Variants in MAGED1 observed in about 807,000 individuals in gnomAD.
MAGED1 encodes melanoma-associated antigen D1.
In MAGED1, 3 loss-of-function variants were observed where a neutral mutation model predicts 54.1. The ratio of observed to expected loss-of-function variants is 0.06; its 90% confidence interval spans 0.03 to 0.14. MAGED1 has a LOEUF of 0.14. Among genes scored for constraint, MAGED1 ranks in the 10% least tolerant of loss-of-function variants. The pLI is 1.00. For synonymous variants in MAGED1, 217 were observed against 227.3 expected (o/e 0.95, Z 0.41); for missense variants, 485 against 623.4 (o/e 0.78, Z 2.36).
rs1237307950 is a variant in MAGED1 at position 51,826,256 on chromosome X, A to G, written c.-37+23139A>G. ...GGAGATTTCACTGAGCTCCTCACAT[A>G]GCCATTCCAGAATTCCCATAAGTTT... On this transcript the variant is annotated intron_variant, in intron 1 of 12. Transcript: ENST00000375772. 2.7e-5 allele frequency among the ~76,000 whole-genome samples: 3 copies of G among 112,375 alleles called. No individual in the cohort carries two copies. In the East Asian group the frequency reaches 8.4e-4, roughly 31 times the overall value.
At chrX:51,820,797 A>G (rs1206266647) in intron 1 of MAGED1, among the ~76,000 whole-genome samples, 1 of 111,704 alleles carries the variant, frequency 9.0e-6, no homozygotes, top group African/African-American at 3.3e-5. Flanking sequence ...TTTGAAATGT[A>G]TAACGCAATA....
rs1188389838 is a variant in MAGED1, at chrX:51,895,300, A to G, written c.293A>G (p.His98Arg). 8.3e-7 allele frequency: 1 copy of G among 1,209,712 alleles called. No homozygotes were observed. The highest frequency in any genetic ancestry group is 1.1e-6 in the Non-Finnish European group (1 of 894,987). Residue 98 changes from histidine (H) to arginine (R), a missense_variant, in exon 3 of 13, where the codon CAT becomes CGT. His to Arg is a conservative substitution (Grantham distance 29). Transcript: ENST00000326587. Reference protein sequence around the residue: ...PNGVYDFSQAHNAKDVPNTQP... With the variant: ...PNGVYDFSQARNAKDVPNTQP... ...GGTGTCTATGATTTCTCTCAGGCTCATAATGCCAAGGATGTGCCCAACACG... is the reference window on the plus strand; with the variant it reads ...GGTGTCTATGATTTCTCTCAGGCTCGTAATGCCAAGGATGTGCCCAACACG...
At chrX:51,868,945 A>G (rs782119068) in intron 1 of MAGED1, among the ~76,000 whole-genome samples, 1 of 111,871 alleles carries the variant, frequency 8.9e-6, no homozygotes, top group Non-Finnish European at 1.9e-5. Flanking sequence ...TGGGAAAATC[A>G]TGAGTGTCTG....
At chrX:51,813,601 A>G (rs1925304611) in intron 1 of MAGED1, among the ~76,000 whole-genome samples, 1 of 112,005 alleles carries the variant, frequency 8.9e-6, no homozygotes, top group South Asian at 3.7e-4. Context: ...AGTAGTAAAC[A>G]TTTTCATACC....
chrX:51,819,022 A>G (rs782751286), intron 1 of MAGED1, among the ~76,000 whole-genome samples: 1 of 112,110 alleles, frequency 8.9e-6, no homozygotes, highest in Non-Finnish European at 1.9e-5. Flanking sequence ...TTCATTCTGA[A>G]GGACTTACAG....
At chrX:51,898,927 G>A (rs1557364626) in intron 10 of MAGED1, 1 of 239,737 alleles carries the variant, frequency 4.2e-6, no homozygotes, top group African/African-American at 2.9e-5. Flanking sequence ...AATCATCTGA[G>A]CCCAGGAAGT....
intron 1 of MAGED1, among the ~76,000 whole-genome samples, chrX:51,860,264 CAAAAAG>C (rs1199807386): frequency 9.1e-6 from 1 of 109,524 alleles, no homozygotes; most frequent in Non-Finnish European, 1.9e-5. Flanking sequence ...GACTCCGTCT[CAAAAAG>C]AAAAGAAAAA....
chrX:51,877,336 G>T (rs1927907963), intron 1 of MAGED1, among the ~76,000 whole-genome samples: 1 of 111,327 alleles, frequency 9.0e-6, no homozygotes, highest in Non-Finnish European at 1.9e-5. Flanking sequence ...TCAATTAAAT[G>T]TCATTTTGTC....
chrX:51,820,646 A>G (rs1925591242), intron 1 of MAGED1, among the ~76,000 whole-genome samples: 1 of 111,284 alleles, frequency 9.0e-6, no homozygotes, highest in Middle Eastern at 4.2e-3. Flanking sequence ...CAATAATTCT[A>G]TTTATTTATG....
chrX:51,808,655 G>A (rs1925112424), intron 1 of MAGED1, among the ~76,000 whole-genome samples: 1 of 111,962 alleles, frequency 8.9e-6, no homozygotes, highest in African/African-American at 3.2e-5. Flanking sequence ...GCTGAAGACA[G>A]CTGTGATTGC....
At chrX:51,898,917 A>G in intron 10 of MAGED1, 1 of 256,647 alleles carries the variant, frequency 3.9e-6, no homozygotes. Context: ...GGTAGGGGAG[A>G]ATCATCTGAG....
At chrX:51,836,957 A>G (rs1196812021) in intron 1 of MAGED1, among the ~76,000 whole-genome samples, 11 of 111,350 alleles carry the variant, frequency 9.9e-5, no homozygotes, top group Non-Finnish European at 1.9e-4. Context: ...TCTGCTAACT[A>G]TTACCTGCAG....
intron 11 of MAGED1, among the ~76,000 whole-genome samples, chrX:51,901,253 A>T (rs1929010323): frequency 8.9e-6 from 1 of 112,084 alleles, no homozygotes; most frequent in Non-Finnish European, 1.9e-5. Context: ...GGCCCTGGAA[A>T]CTACCATTCT....
chrX:51,858,078 T>A, intron 1 of MAGED1: 1 of 112,598 alleles, frequency 8.9e-6, no homozygotes, highest in Non-Finnish European at 1.9e-5. Context: ...TTAAAATAGT[T>A]ACCACATAAT....
intron 1 of MAGED1, among the ~76,000 whole-genome samples, chrX:51,856,695 T>G (rs1557360231): frequency 8.9e-6 from 1 of 111,939 alleles, no homozygotes; most frequent in African/African-American, 3.2e-5. Context: ...ACTATTGGTC[T>G]GAGTCTCTTC....
intron 1 of MAGED1, among the ~76,000 whole-genome samples, chrX:51,875,349 T>A (rs1451693883): frequency 1.8e-5 from 2 of 111,451 alleles, no homozygotes; most frequent in East Asian, 2.8e-4. Flanking sequence ...CTTTCTGGTC[T>A]CTCATCTCTG....
At chrX:51,814,907 G>A (rs1306695044) in intron 1 of MAGED1, among the ~76,000 whole-genome samples, 1 of 102,288 alleles carries the variant, frequency 9.8e-6, no homozygotes, top group Admixed American at 1.1e-4. Flanking sequence ...GAGGCAGGCA[G>A]ATCACTTGAA....
intron 1 of MAGED1, among the ~76,000 whole-genome samples, chrX:51,832,662 C>T (rs1471345433): frequency 1.8e-5 from 2 of 111,407 alleles, no homozygotes; most frequent in African/African-American, 6.5e-5. Context: ...TGGTCTTGAC[C>T]CTGCTACTCA....
intron 1 of MAGED1, among the ~76,000 whole-genome samples, chrX:51,803,724 CTTTTT>C (rs10576124): frequency 1.2e-5 from 1 of 81,382 alleles, no homozygotes; most frequent in Non-Finnish European, 2.3e-5. Context: ...AAATGATGTT[CTTTTT>C]TTTTTTTTTT....
Sources: gnomAD v4.1 joint callset for allele counts (sites outside exome capture counted in the v4.1 genomes callset) on GRCh38, gnomAD v4.1.1 for gene constraint, MANE v1.5 for transcripts, NCBI Gene and HGNC (gene_info 2026-07-23, HGNC 2026-07-21) for gene names.